Variants in CREB5 observed in about 807,000 individuals in gnomAD.
The protein encoded by CREB5 is cyclic AMP-responsive element-binding protein 5.
CREB5 carries 19 observed loss-of-function variants against 57.1 expected under a neutral mutation model. The ratio of observed to expected loss-of-function variants is 0.33; its 90% CI spans 0.23 to 0.49. CREB5 has a LOEUF of 0.49. Among genes scored for constraint, CREB5 ranks in the 20% least tolerant of loss-of-function variants. The pLI, the probability that CREB5 is intolerant of heterozygous loss-of-function variation, is 0.99. For missense variants in CREB5, 579 were observed against 671.6 expected (o/e 0.86, Z 1.52); for synonymous variants, 238 against 238.3 (o/e 1.00, Z 0.01).
At chr7:28,332,349 A>G (rs1583682202) in intron 1 of CREB5, among the ~76,000 whole-genome samples, 1 of 152,196 alleles carries the variant, frequency 6.6e-6, no homozygotes, top group Admixed American at 6.5e-5. Flanking sequence ...TGGCAGCTTT[A>G]GGAAACAAAT....
chr7:28,507,750 G>A lies in CREB5; in HGVS notation c.291+13G>A. On this transcript the variant is annotated intron_variant, in intron 4 of 10. Coordinates refer to ENST00000357727, the MANE Select transcript of CREB5 (RefSeq NM_182898.4). ...GAGCAGCAAGCGGGTAGGTTTGCTT[G>A]GATGGCCGCCTTGAGAGGTGTCCTG... 6.3e-7 allele frequency: 1 copy of A among 1,590,374 alleles called. No individual in the cohort carries two copies. Among genetic ancestry groups the A allele is most frequent in the Non-Finnish European group, 8.6e-7 (1 of 1,162,352 alleles).
chr7:28,641,681 G>A (rs199996771), intron 5 of CREB5, among the ~76,000 whole-genome samples: 1 of 152,164 alleles, frequency 6.6e-6, no homozygotes, highest in African/African-American at 2.4e-5. Context: ...TGCCAGAAAG[G>A]AAATGGTGAG....
chr7:28,794,731 C>T (rs936199884), intron 7 of CREB5, among the ~76,000 whole-genome samples: 1 of 151,948 alleles, frequency 6.6e-6, no homozygotes, highest in Admixed American at 6.6e-5. Context: ...CCTACATGTG[C>T]ATACCTGCAC....
intron 5 of CREB5, among the ~76,000 whole-genome samples, chr7:28,671,341 A>G (rs1297931626): frequency 2.0e-5 from 3 of 151,772 alleles, no homozygotes; most frequent in East Asian, 1.9e-4. Flanking sequence ...GACATTTCCT[A>G]TTTAAAAATA....
At chr7:28,361,079 G>A (rs1250961675) in intron 1 of CREB5, among the ~76,000 whole-genome samples, 2 of 152,016 alleles carry the variant, frequency 1.3e-5, no homozygotes, top group East Asian at 1.9e-4. Flanking sequence ...ATAGTCCTGA[G>A]GCTAAACACC....
intron 1 of CREB5, among the ~76,000 whole-genome samples, chr7:28,467,193 C>T: frequency 6.6e-6 from 1 of 152,166 alleles, no homozygotes; most frequent in South Asian, 2.1e-4. Flanking sequence ...TGGTAGAGGG[C>T]AGCCTCCTAG....
intron 5 of CREB5, among the ~76,000 whole-genome samples, chr7:28,656,672 G>T (rs186424138): frequency 6.6e-6 from 1 of 152,184 alleles, no homozygotes; most frequent in Non-Finnish European, 1.5e-5. Flanking sequence ...AGGAAAAGGG[G>T]CTGAGGAGTG....
chr7:28,425,300 A>T (rs1788458148), intron 1 of CREB5, among the ~76,000 whole-genome samples: 1 of 152,300 alleles, frequency 6.6e-6, no homozygotes, highest in East Asian at 1.9e-4. Flanking sequence ...TATAACATGA[A>T]TGAACCTTGA....
At chr7:28,481,195 T>G (rs1791315584) in intron 1 of CREB5, among the ~76,000 whole-genome samples, 1 of 152,174 alleles carries the variant, frequency 6.6e-6, no homozygotes, top group South Asian at 2.1e-4. Context: ...TCCTTCCTCC[T>G]GGGAGCAGTG....
intron 1 of CREB5, among the ~76,000 whole-genome samples, chr7:28,349,709 G>A (rs1209294866): frequency 6.6e-6 from 1 of 152,126 alleles, no homozygotes; most frequent in Non-Finnish European, 1.5e-5. Context: ...GCGATGGAGG[G>A]ACACCAGGAG....
intron 1 of CREB5, among the ~76,000 whole-genome samples, chr7:28,449,906 C>T (rs1032218747): frequency 6.6e-6 from 1 of 152,172 alleles, no homozygotes; most frequent in Admixed American, 6.5e-5. Context: ...CCATCCTTTA[C>T]TTCACAGTGA....
At chr7:28,310,640 G>A (rs879868816) in intron 1 of CREB5, among the ~76,000 whole-genome samples, 2 of 152,144 alleles carry the variant, frequency 1.3e-5, no homozygotes, top group Admixed American at 6.6e-5. Flanking sequence ...TTTAAATTAC[G>A]CAATTTCAAA....
chr7:28,747,327 A>G (rs1241555283), intron 7 of CREB5, among the ~76,000 whole-genome samples: 1 of 152,240 alleles, frequency 6.6e-6, no homozygotes, highest in Non-Finnish European at 1.5e-5. Context: ...TCACTTCTGT[A>G]ATAGTTGATA....
intron 5 of CREB5, among the ~76,000 whole-genome samples, chr7:28,596,719 C>G (rs947827077): frequency 2.0e-5 from 3 of 152,124 alleles, no homozygotes; most frequent in Non-Finnish European, 2.9e-5. Context: ...TACATCATCC[C>G]TAAAATGTGG....
chr7:28,805,527 C>T (rs568984146), intron 8 of CREB5, among the ~76,000 whole-genome samples: 7 of 152,258 alleles, frequency 4.6e-5, no homozygotes, highest in South Asian at 2.1e-4. Flanking sequence ...CCTCTGGAGA[C>T]GTGACTTTAT....
intron 1 of CREB5, among the ~76,000 whole-genome samples, chr7:28,393,144 C>G (rs926705850): frequency 2.6e-5 from 4 of 152,212 alleles, no homozygotes; most frequent in Non-Finnish European, 5.9e-5. Context: ...TCAGGCTGGT[C>G]TTGAACTCCT....
At chr7:28,536,884 T>C (rs895866423) in intron 4 of CREB5, among the ~76,000 whole-genome samples, 3 of 152,268 alleles carry the variant, frequency 2.0e-5, no homozygotes, top group Non-Finnish European at 2.9e-5. Flanking sequence ...GAGGTCATTC[T>C]ACCAGTAAGT....
At chr7:28,479,181 C>T (rs217511) in intron 1 of CREB5, among the ~76,000 whole-genome samples, 43,538 of 151,992 alleles carry the variant, frequency 0.29, 7,025 homozygotes, top group Middle Eastern at 0.37. Context: ...ATGGGCGAGG[C>T]AGTTGTGGGT....
intron 1 of CREB5, among the ~76,000 whole-genome samples, chr7:28,353,106 T>A (rs1162549371): frequency 1.3e-5 from 2 of 152,216 alleles, no homozygotes; most frequent in African/African-American, 4.8e-5. Flanking sequence ...TTTGTTTTTG[T>A]TTTTTGAGAG....
Sources: gnomAD v4.1 joint callset for allele counts (sites outside exome capture counted in the v4.1 genomes callset) on GRCh38, gnomAD v4.1.1 for gene constraint, MANE v1.5 for transcripts, NCBI Gene and HGNC (gene_info 2026-07-23, HGNC 2026-07-21) for gene names.